Variants in CDH18 observed in about 807,000 individuals in gnomAD.
The protein encoded by CDH18 is cadherin-18.
Under a neutral mutation model 67.9 loss-of-function variants are expected in CDH18, and 31 were observed. The ratio of observed to expected loss-of-function variants is 0.46; its 90% CI spans 0.34 to 0.62. The LOEUF (loss-of-function observed/expected upper bound fraction) is 0.62, where lower values mean the gene tolerates loss of function less well. Ranked by LOEUF, CDH18 falls within the 20% of genes least tolerant of loss-of-function variation. The probability of loss-of-function intolerance (pLI) is 0.01; values close to 1 mark genes in which losing one functional copy is unlikely to be tolerated. For missense variants in CDH18, 890 were observed against 975.5 expected (o/e 0.91, Z 1.17); for synonymous variants, 362 against 347.2 (o/e 1.04, Z -0.48).
intron 2 of CDH18, among the ~76,000 whole-genome samples, chr5:20,150,478 T>C (rs543608952): frequency 6.6e-6 from 1 of 152,166 alleles, no homozygotes; most frequent in Non-Finnish European, 1.5e-5. Flanking sequence ...AAAAAGTAAT[T>C]ATTATACAAT....
At chr5:20,165,838 T>C (rs1265362433) in intron 2 of CDH18, among the ~76,000 whole-genome samples, 1 of 152,148 alleles carries the variant, frequency 6.6e-6, no homozygotes, top group Non-Finnish European at 1.5e-5. Context: ...TACAAAGCAA[T>C]TGAGATGAAA....
upstream of CDH18, among the ~76,000 whole-genome samples, chr5:19,992,655 G>GA (rs1183973689): frequency 6.6e-6 from 1 of 151,938 alleles, no homozygotes; most frequent in Non-Finnish European, 1.5e-5. Context: ...TGCTAGAGGA[G>GA]AAAACAGTGG....
chr5:20,387,409 C>T (rs1744400351), intron 1 of CDH18, among the ~76,000 whole-genome samples: 1 of 152,104 alleles, frequency 6.6e-6, no homozygotes, highest in Non-Finnish European at 1.5e-5. Flanking sequence ...ATTTTTTGCA[C>T]ATTGATTTTT....
At chr5:19,540,001 A>G (rs1241542506) in intron 9 of CDH18, among the ~76,000 whole-genome samples, 1 of 152,152 alleles carries the variant, frequency 6.6e-6, no homozygotes, top group Non-Finnish European at 1.5e-5. Context: ...TTAACTCAAA[A>G]GTTCACAGTC....
At chr5:20,352,939 C>G (rs1160581750) in intron 1 of CDH18, among the ~76,000 whole-genome samples, 2 of 152,118 alleles carry the variant, frequency 1.3e-5, no homozygotes, top group African/African-American at 4.8e-5. Flanking sequence ...TTGGTAGTAG[C>G]ATTAAAAGCT....
chr5:20,147,626 T>C (rs1434601072), intron 2 of CDH18, among the ~76,000 whole-genome samples: 1 of 152,154 alleles, frequency 6.6e-6, no homozygotes, highest in Non-Finnish European at 1.5e-5. Context: ...AATTTTGCTT[T>C]TGTTTCTATT....
chr5:20,328,787 A>G (rs1460329402), intron 1 of CDH18, among the ~76,000 whole-genome samples: 3 of 152,118 alleles, frequency 2.0e-5, no homozygotes, highest in African/African-American at 7.2e-5. Context: ...TGAGCCCAGG[A>G]GTTCAAGACC....
chr5:20,339,040 A>G (rs1005417108), intron 1 of CDH18, among the ~76,000 whole-genome samples: 5 of 152,102 alleles, frequency 3.3e-5, no homozygotes, highest in Non-Finnish European at 5.9e-5. Flanking sequence ...GAGGATGCCT[A>G]TTCTCTCTCT....
chr5:19,904,458 C>A (rs1790322471), intron 2 of CDH18, among the ~76,000 whole-genome samples: 1 of 151,514 alleles, frequency 6.6e-6, no homozygotes, highest in African/African-American at 2.4e-5. Flanking sequence ...GTTGTGAAGA[C>A]TGGGAATTGG....
chr5:19,887,307 A>G (rs955580813), intron 2 of CDH18, among the ~76,000 whole-genome samples: 3 of 151,966 alleles, frequency 2.0e-5, no homozygotes, highest in Admixed American at 2.0e-4. Flanking sequence ...ATTGGTTTCT[A>G]TGAGTTATAT....
chr5:19,823,963 G>T (rs931100408), intron 3 of CDH18, among the ~76,000 whole-genome samples: 13 of 152,020 alleles, frequency 8.6e-5, no homozygotes, highest in African/African-American at 2.7e-4. Flanking sequence ...TAAACAACTT[G>T]CTCCTAAATG....
At chr5:19,645,611 T>C (rs181834626) in intron 5 of CDH18, among the ~76,000 whole-genome samples, 1 of 152,312 alleles carries the variant, frequency 6.6e-6, no homozygotes, top group African/African-American at 2.4e-5. Flanking sequence ...GCTTATATCA[T>C]ATATTTTTGA....
intron 2 of CDH18, among the ~76,000 whole-genome samples, chr5:19,893,981 C>T (rs1450594574): frequency 6.6e-6 from 1 of 152,078 alleles, no homozygotes; most frequent in African/African-American, 2.4e-5. Flanking sequence ...ATCATTATCA[C>T]CTTGCATACC....
chr5:19,720,936 C>A (rs370147144), intron 5 of CDH18, among the ~76,000 whole-genome samples: 4 of 152,008 alleles, frequency 2.6e-5, no homozygotes, highest in East Asian at 1.9e-4. Context: ...CAAGCAAAAT[C>A]AATGTAGGAA....
At chr5:19,752,125 G>T (rs915507960) in intron 3 of CDH18, among the ~76,000 whole-genome samples, 3 of 152,154 alleles carry the variant, frequency 2.0e-5, no homozygotes, top group Non-Finnish European at 4.4e-5. Flanking sequence ...GGAGCAGTGT[G>T]AATTTAGAAA....
At chr5:19,689,512 C>T (rs1228743956) in intron 5 of CDH18, among the ~76,000 whole-genome samples, 1 of 151,780 alleles carries the variant, frequency 6.6e-6, no homozygotes, top group Non-Finnish European at 1.5e-5. Context: ...TTAGATCATC[C>T]CTACAAGAAA....
At chr5:20,171,332 A>C (rs1268796930) in intron 2 of CDH18, among the ~76,000 whole-genome samples, 1 of 152,158 alleles carries the variant, frequency 6.6e-6, no homozygotes, top group Admixed American at 6.6e-5. Flanking sequence ...CACTCCTACC[A>C]AAAGTGTATA....
chr5:20,484,196 T>A (rs941983665), intron 1 of CDH18, among the ~76,000 whole-genome samples: 2 of 151,976 alleles, frequency 1.3e-5, no homozygotes, highest in African/African-American at 4.8e-5. Context: ...TCACTGATCA[T>A]CAGAAAAATG....
intron 1 of CDH18, among the ~76,000 whole-genome samples, chr5:20,455,526 AG>A (rs1193880224): frequency 6.6e-5 from 10 of 152,122 alleles, no homozygotes; most frequent in African/African-American, 2.4e-4. Flanking sequence ...GAATGAGAAG[AG>A]GGGATAGACG....
Sources: allele counts gnomAD v4.1 joint callset (sites outside exome capture counted in the v4.1 genomes callset), GRCh38; gene constraint gnomAD v4.1.1; transcripts MANE v1.5; gene names NCBI Gene and HGNC (gene_info 2026-07-23, HGNC 2026-07-21).